Variants in CDK14 observed in about 807,000 individuals in gnomAD.
The protein encoded by CDK14 is cyclin-dependent kinase 14.
CDK14 carries 34 observed loss-of-function variants against 60.7 expected under a neutral mutation model. That is an observed-to-expected ratio of 0.56 (90% CI 0.43 to 0.75). The LOEUF (loss-of-function observed/expected upper bound fraction) is 0.75. Ranked by LOEUF, CDK14 falls within the 30% of genes least tolerant of loss-of-function variation. The pLI, the probability that CDK14 is intolerant of heterozygous loss-of-function variation, is 0.00. For missense variants in CDK14, 482 were observed against 564.1 expected (o/e 0.85, Z 1.47); for synonymous variants, 197 against 203.7 (o/e 0.97, Z 0.28).
chr7:90,896,265 C>A (rs1163368108), intron 6 of CDK14, among the ~76,000 whole-genome samples: 3 of 151,884 alleles, frequency 2.0e-5, no homozygotes, highest in East Asian at 1.9e-4. Flanking sequence ...TATTTTTAGA[C>A]TTTTTTAACT....
At chr7:91,182,138 G>A (rs1444083547) in intron 14 of CDK14, among the ~76,000 whole-genome samples, 1 of 151,984 alleles carries the variant, frequency 6.6e-6, no homozygotes, top group African/African-American at 2.4e-5. Context: ...TTACTCATCT[G>A]CTTTATCCCA....
intron 6 of CDK14, among the ~76,000 whole-genome samples, chr7:90,869,805 A>C (rs1435631763): frequency 6.6e-6 from 1 of 152,192 alleles, no homozygotes; most frequent in Non-Finnish European, 1.5e-5. Flanking sequence ...AGCCAAAATC[A>C]TGCCATGGCA....
At chr7:91,097,714 C>T (rs372631804) in intron 12 of CDK14, among the ~76,000 whole-genome samples, 30 of 152,098 alleles carry the variant, frequency 2.0e-4, no homozygotes, top group African/African-American at 7.2e-4. Context: ...CTACGTTGCT[C>T]CTCCTGTCTG....
chr7:91,129,805 A>AT (rs1382290694), intron 14 of CDK14, among the ~76,000 whole-genome samples: 1 of 152,190 alleles, frequency 6.6e-6, no homozygotes, highest in East Asian at 1.9e-4. Flanking sequence ...TGGTGGTAAT[A>AT]TAAACAAATG....
intron 12 of CDK14, among the ~76,000 whole-genome samples, chr7:91,092,267 C>T (rs1480291126): frequency 6.6e-6 from 1 of 152,152 alleles, no homozygotes; most frequent in Non-Finnish European, 1.5e-5. Context: ...TAGCCTCAGC[C>T]TATTTTATGC....
chr7:90,836,329 A>G (rs986344821), intron 5 of CDK14, among the ~76,000 whole-genome samples: 14 of 152,178 alleles, frequency 9.2e-5, no homozygotes, highest in African/African-American at 2.9e-4. Flanking sequence ...TCCTTATTCT[A>G]TAAGCTATTT....
intron 11 of CDK14, among the ~76,000 whole-genome samples, chr7:91,064,470 A>T (rs984130968): frequency 1.4e-4 from 22 of 152,228 alleles, no homozygotes; most frequent in South Asian, 4.1e-4. Context: ...ACCCCTACCC[A>T]TAGCATTATT....
intron 12 of CDK14, among the ~76,000 whole-genome samples, chr7:91,092,639 A>C (rs1423578945): frequency 6.6e-6 from 1 of 152,218 alleles, no homozygotes; most frequent in Admixed American, 6.5e-5. Flanking sequence ...AGCCAATTGC[A>C]AACTCCAGAA....
At chr7:90,990,953 C>T (rs1407869624) in intron 10 of CDK14, among the ~76,000 whole-genome samples, 1 of 152,136 alleles carries the variant, frequency 6.6e-6, no homozygotes, top group Non-Finnish European at 1.5e-5. Flanking sequence ...ACAAACATAG[C>T]CCCTACTTGC....
chr7:90,905,099 A>G (rs1288856236), intron 7 of CDK14, among the ~76,000 whole-genome samples: 1 of 152,184 alleles, frequency 6.6e-6, no homozygotes, highest in Non-Finnish European at 1.5e-5. Context: ...AGAGAAGACA[A>G]AGAAACCAGG....
In CDK14 at chr7:90,862,242, G is replaced by C. The variant is rs141716580; in HGVS notation, c.545-933G>C. On this transcript the variant is annotated intron_variant, in intron 5 of 14. Coordinates refer to ENST00000380050, the MANE Select transcript of CDK14 (RefSeq NM_001287135.2). ...GTCTAAACATCAAAATGAAAAGTCA[G>C]AGATTGGCAAAATGCATTAAAAATA... 7.6e-3 allele frequency among the ~76,000 whole-genome samples: 1,161 copies of C among 152,180 alleles called. 18 individuals are homozygous for C. The highest frequency in any genetic ancestry group is 0.027 in the African/African-American group (1,122 of 41,522).
intron 12 of CDK14, among the ~76,000 whole-genome samples, chr7:91,093,492 T>TA (rs1163860216): frequency 6.6e-6 from 1 of 152,118 alleles, no homozygotes; most frequent in East Asian, 1.9e-4. Context: ...AAAACACAGT[T>TA]ACAAAATCTT....
At chr7:91,062,451 C>G (rs1234308913) in intron 11 of CDK14, among the ~76,000 whole-genome samples, 1 of 152,020 alleles carries the variant, frequency 6.6e-6, no homozygotes, top group East Asian at 1.9e-4. Context: ...AACCTGGTAC[C>G]TCAGTTGGAA....
At chr7:90,988,408 C>T (rs1275286047) in intron 10 of CDK14, among the ~76,000 whole-genome samples, 3 of 152,132 alleles carry the variant, frequency 2.0e-5, no homozygotes, top group Admixed American at 1.3e-4. Context: ...CCTAATTCTC[C>T]AAGCAGTAAC....
At chr7:90,979,019 A>G (rs1795153301) in intron 9 of CDK14, among the ~76,000 whole-genome samples, 1 of 152,166 alleles carries the variant, frequency 6.6e-6, no homozygotes, top group South Asian at 2.1e-4. Context: ...AAAGGGCCTG[A>G]TGGTAAAAAA....
At chr7:90,698,517 A>G (rs1019126303) in intron 2 of CDK14, among the ~76,000 whole-genome samples, 6 of 152,224 alleles carry the variant, frequency 3.9e-5, no homozygotes, top group African/African-American at 1.4e-4. Context: ...AAGAAAACCA[A>G]TTATTTGTGT....
chr7:91,131,367 G>C (rs1276672250), intron 14 of CDK14, among the ~76,000 whole-genome samples: 2 of 152,082 alleles, frequency 1.3e-5, no homozygotes, highest in Non-Finnish European at 2.9e-5. Flanking sequence ...TATCACTGGA[G>C]ATGTTGACCT....
chr7:91,081,337 G>T (rs1798478368), intron 12 of CDK14, among the ~76,000 whole-genome samples: 1 of 152,144 alleles, frequency 6.6e-6, no homozygotes, highest in Non-Finnish European at 1.5e-5. Context: ...TTACGCGAGT[G>T]ATGGTTTTCT....
intron 5 of CDK14, among the ~76,000 whole-genome samples, chr7:90,852,749 G>A (rs1405611719): frequency 6.6e-6 from 1 of 152,210 alleles, no homozygotes; most frequent in Non-Finnish European, 1.5e-5. Flanking sequence ...TGACATTCAT[G>A]TAAGTGGCAG....
Sources: gnomAD v4.1 joint callset for allele counts (sites outside exome capture counted in the v4.1 genomes callset) on GRCh38, gnomAD v4.1.1 for gene constraint, MANE v1.5 for transcripts, NCBI Gene and HGNC (gene_info 2026-07-23, HGNC 2026-07-21) for gene names.